The following AMPD1 variants were observed in gnomAD, a reference collection of about 807,000 sequenced individuals.
AMPD1 encodes adenosine monophosphate deaminase 1.
AMPD1 carries 74 observed loss-of-function variants against 82.9 expected under a neutral mutation model. The observed-to-expected ratio is 0.89, with a 90% CI of 0.74 to 1.08. The LOEUF is 1.08. AMPD1 is among the 50% of genes least tolerant of loss of function. The probability of loss-of-function intolerance (pLI) is 0.00; values close to 1 mark genes in which losing one functional copy is unlikely to be tolerated. For synonymous variants in AMPD1, 333 were observed against 320.5 expected (o/e 1.04, Z -0.42); for missense variants, 881 against 924.5 (o/e 0.95, Z 0.61).
chr1:114,694,625 C>T (rs1005318002), intron 1 of AMPD1, among the ~76,000 whole-genome samples: 1 of 152,116 alleles, frequency 6.6e-6, no homozygotes, highest in Non-Finnish European at 1.5e-5. Context: ...AGGCAGATTG[C>T]TTGAGCTCAG....
At chr1:114,683,139 TA>T in intron 5 of AMPD1, 1 of 461,864 alleles carries the variant, frequency 2.2e-6, no homozygotes, top group African/African-American at 2.0e-5. Flanking sequence ...AGGCAGAAGG[TA>T]AAAACTGAGA....
intron 7 of AMPD1, among the ~76,000 whole-genome samples, chr1:114,678,877 G>A (rs1658075493): frequency 6.6e-6 from 1 of 152,168 alleles, no homozygotes; most frequent in East Asian, 1.9e-4. Context: ...AGCCCCTAAG[G>A]AGAAAGGATT....
intron 2 of AMPD1, among the ~76,000 whole-genome samples, 187 bp downstream of exon 2, chr1:114,693,249 C>T (rs535127456): frequency 6.7e-6 from 1 of 150,086 alleles, no homozygotes; most frequent in African/African-American, 2.4e-5. Flanking sequence ...CACTAGAATC[C>T]AGAAAAGCCA....
At chr1:114,694,007 C>T (rs1658599512) in intron 1 of AMPD1, among the ~76,000 whole-genome samples, 1 of 152,078 alleles carries the variant, frequency 6.6e-6, no homozygotes, top group Non-Finnish European at 1.5e-5. Flanking sequence ...CGAGACCATC[C>T]TGGCTAATAC....
At chr1:114,679,182 G>A (rs1352465914) in intron 7 of AMPD1, among the ~76,000 whole-genome samples, 1 of 152,144 alleles carries the variant, frequency 6.6e-6, no homozygotes. Context: ...TGCAGGTGTA[G>A]TTCCCAATTT....
chr1:114,695,544 G>A lies in AMPD1; in HGVS notation c.-73C>T. 1 of 1,614,128 alleles carries A rather than the reference G, an allele frequency of 6.2e-7. No homozygotes were observed. ...AGAGGAGACTGTGGGGTGACTGACT[G>A]ACACTATAAAATATCCTGACATTCA... On this transcript the variant is annotated 5_prime_UTR_variant, in exon 1 of 16. Transcript: ENST00000520113.
Position 114,674,831 on chromosome 1 carries a change from C to T in AMPD1, c.1721G>A (p.Gly574Glu), listed in dbSNP as rs150645738. Residue 574 changes from glycine (G) to glutamate (E), a missense_variant, in exon 13 of 16, where the codon GGA becomes GAA. Gly to Glu is a moderately conservative substitution (Grantham distance 98). Coordinates refer to ENST00000520113, the MANE Select transcript of AMPD1 (RefSeq NM_000036.3). ...MNTFLFRPHC[G>E]EAGALTHLMT... ...GAGATGGGTGAGGGCTCCAGCTTCT[C>T]CACAGTGAGGTCGGAACAGAAACGT... The T allele has an allele frequency of 7.9e-4, 1,279 of 1,614,002 alleles. 1 individual carries two copies. Among genetic ancestry groups the T allele is most frequent in the Non-Finnish European group, 8.2e-4 (963 of 1,179,930 alleles).
In AMPD1 at chr1:114,674,844, G is replaced by A. The variant is rs377185948; in HGVS notation, c.1708C>T (p.Arg570Ter). ...KERGMNTFLF[R>*]PHCGEAGALT... ...GCTCCAGCTTCTCCACAGTGAGGTC[G>A]GAACAGAAACGTATTCATGCCTCGT... Residue 570 changes from arginine to a stop codon, truncating the protein, a stop_gained, in exon 13 of 16, where the codon CGA (arginine) becomes TGA (stop). Coordinates refer to ENST00000520113, the MANE Select transcript of AMPD1 (RefSeq NM_000036.3). LOFTEE classifies it high-confidence loss of function. The A allele has an allele frequency of 1.4e-5, 23 of 1,613,940 alleles. No homozygotes were observed. Among genetic ancestry groups the A allele is most frequent in the African/African-American group, 5.3e-5 (4 of 74,906 alleles).
At chr1:114,689,032 A>G in intron 2 of AMPD1, 2 of 633,230 alleles carry the variant, frequency 3.2e-6, no homozygotes, top group Admixed American at 1.8e-5. Flanking sequence ...CTAGCACCTC[A>G]GTAAGATCAC....
At chr1:114,674,340 T>C (rs1657919956) in intron 13 of AMPD1, among the ~76,000 whole-genome samples, 1 of 152,222 alleles carries the variant, frequency 6.6e-6, no homozygotes, top group Non-Finnish European at 1.5e-5. Context: ...CTACGTTAGA[T>C]GGTCTGTCTC....
intron 4 of AMPD1, among the ~76,000 whole-genome samples, chr1:114,684,906 C>G (rs1159372570): frequency 6.6e-6 from 1 of 152,142 alleles, no homozygotes; most frequent in Non-Finnish European, 1.5e-5. Flanking sequence ...AGAAGTTAGT[C>G]GTTTAGATGA....
At chr1:114,677,849 C>CCTTCCTTCCTTCCTTT in intron 9 of AMPD1, 61 bp downstream of exon 9, 6 of 1,369,098 alleles carry the variant, frequency 4.4e-6, no homozygotes, top group Non-Finnish European at 5.9e-6. Context: ...TTCCTTCCTT[C>CCTTCCTTCCTTCCTTT]CTTCTTCCCT....
intron 4 of AMPD1, among the ~76,000 whole-genome samples, chr1:114,685,675 G>A (rs762973461): frequency 6.6e-6 from 1 of 152,004 alleles, no homozygotes; most frequent in Non-Finnish European, 1.5e-5. Context: ...TTTTATTCTT[G>A]TTTTCATTTC....
chr1:114,686,705 CT>C, intron 4 of AMPD1, 39 bp downstream of exon 4: 1 of 1,610,012 alleles, frequency 6.2e-7, no homozygotes, highest in Non-Finnish European at 8.5e-7. Context: ...AGCTGAATGG[CT>C]TCCTGGTTGC....
intron 5 of AMPD1, 93 bp downstream of exon 5, chr1:114,684,106 C>A: frequency 7.5e-7 from 1 of 1,334,626 alleles, no homozygotes; most frequent in Non-Finnish European, 1.0e-6. Flanking sequence ...TATTTTTAGA[C>A]TGGATTACTT....
At position 114,687,335 on chromosome 1, in the gene AMPD1, T is replaced by A. The variant is rs58144625; in HGVS notation, c.216-425A>T. Among the ~76,000 whole-genome samples the A allele has an allele frequency of 1.1e-3, 167 of 152,274 alleles. 1 individual carries two copies. The highest frequency in any genetic ancestry group is 3.9e-3 in the African/African-American group (162 of 41,550). On this transcript the variant is annotated intron_variant, in intron 3 of 15. Coordinates refer to ENST00000520113, the MANE Select transcript of AMPD1 (RefSeq NM_000036.3). ...GTGCAAAAATGACTACCTTATAGGA[T>A]TTCTATGAGATTTAATGTATATAAA...
intron 5 of AMPD1, among the ~76,000 whole-genome samples, chr1:114,683,696 C>T (rs947998725): frequency 1.3e-5 from 2 of 152,102 alleles, no homozygotes; most frequent in South Asian, 4.1e-4. Flanking sequence ...GAGAGGGTGC[C>T]GCTGCACTCC....
Position 114,673,741 on chromosome 1 carries a change from TA to T in AMPD1, c.1982del (p.Leu661GlnfsTer14), listed in dbSNP as rs770135999. On this transcript the variant is annotated frameshift_variant, in exon 15 of 16. Transcript: ENST00000520113. LOFTEE classifies it high-confidence loss of function. ...GTGCAGCAATAGCATATTCTTCCAT[TA>T]GGGGCTCCTGCAGTTATATTAAATG... Reference protein sequence around the residue: ...PMQFHFTKEPLMEEYAIAAQV... With the variant: ...PMQFHFTKEPXMEEYAIAAQV... 1.2e-5 allele frequency: 19 copies of T among 1,612,902 alleles called. No homozygotes were observed. The African/African-American group carries it at 1.2e-4, about 10-fold the overall frequency.
chr1:114,677,215 C>T, intron 10 of AMPD1, 136 bp downstream of exon 10: 2 of 1,190,444 alleles, frequency 1.7e-6, no homozygotes, highest in South Asian at 1.4e-5. Flanking sequence ...ACCAAGCATG[C>T]AGGACCCGAT....
Sources: gnomAD v4.1 joint callset for allele counts (sites outside exome capture counted in the v4.1 genomes callset) on GRCh38, gnomAD v4.1.1 for gene constraint, MANE v1.5 for transcripts, NCBI Gene and HGNC (gene_info 2026-07-23, HGNC 2026-07-21) for gene names.